Variants in JARID2 observed in about 807,000 individuals in gnomAD.
JARID2 encodes the protein protein Jumonji.
A neutral mutation model predicts 125.6 loss-of-function variants in JARID2; 21 were observed. That is an observed-to-expected ratio of 0.17 (90% CI 0.12 to 0.24). The LOEUF is 0.24. Ranked by LOEUF, JARID2 falls within the 10% of genes least tolerant of loss-of-function variation. The pLI is 1.00. For synonymous variants in JARID2, 736 were observed against 661.6 expected, an observed-to-expected ratio of 1.11 and a Z score of -1.73; for missense variants, 1,303 against 1,639.6, an observed-to-expected ratio of 0.79 and a Z score of 3.55.
At chr6:15,399,239 G>T (rs749671482) in intron 2 of JARID2, among the ~76,000 whole-genome samples, 3 of 152,158 alleles carry the variant, frequency 2.0e-5, no homozygotes, top group Non-Finnish European at 4.4e-5. Flanking sequence ...GTAGGGAATT[G>T]TATATTGAGG....
At chr6:15,512,481 T>A in intron 14 of JARID2, 91 bp downstream of exon 14, 1 of 1,158,390 alleles carries the variant, frequency 8.6e-7, no homozygotes, top group South Asian at 1.4e-5. Flanking sequence ...TGCGTGTGCG[T>A]GTCTATTTGT....
intron 2 of JARID2, among the ~76,000 whole-genome samples, chr6:15,395,126 C>T (rs1301110806): frequency 6.6e-6 from 1 of 152,142 alleles, no homozygotes; most frequent in Non-Finnish European, 1.5e-5. Flanking sequence ...CTAGAAATTA[C>T]TGGATTACAG....
chr6:15,330,784 T>C (rs1447496628), intron 1 of JARID2, among the ~76,000 whole-genome samples: 3 of 152,236 alleles, frequency 2.0e-5, no homozygotes, highest in African/African-American at 7.2e-5. Context: ...TGTTTAATAC[T>C]GGGAAAGTCA....
chr6:15,413,656 G>T (rs1045751153), intron 3 of JARID2, among the ~76,000 whole-genome samples: 2 of 152,148 alleles, frequency 1.3e-5, no homozygotes, highest in African/African-American at 4.8e-5. Flanking sequence ...ACCCAGGCTG[G>T]AATGTAGTGG....
chr6:15,258,971 G>A (rs556971096), intron 1 of JARID2, among the ~76,000 whole-genome samples: 1 of 152,336 alleles, frequency 6.6e-6, no homozygotes, highest in East Asian at 1.9e-4. Context: ...TAATAAGGGT[G>A]CTTAGCACCT....
At chr6:15,482,233 C>G (rs541512703) in intron 5 of JARID2, among the ~76,000 whole-genome samples, 2 of 152,334 alleles carry the variant, frequency 1.3e-5, no homozygotes, top group African/African-American at 4.8e-5. Flanking sequence ...TTCTTGAAAT[C>G]ATCATGTAAG....
chr6:15,259,865 A>G (rs543924961), intron 1 of JARID2, among the ~76,000 whole-genome samples: 1 of 152,298 alleles, frequency 6.6e-6, no homozygotes, highest in Admixed American at 6.5e-5. Context: ...AATAATTTTT[A>G]CTTAGATCTG....
At chr6:15,507,046 G>A (rs1459793962) in intron 9 of JARID2, 90 bp from the exon 10 acceptor site, 2 of 791,454 alleles carry the variant, frequency 2.5e-6, no homozygotes, top group African/African-American at 1.7e-5. Flanking sequence ...TGTGCACCAG[G>A]CATTCGTGTC....
intron 5 of JARID2, among the ~76,000 whole-genome samples, chr6:15,469,334 C>CTCCCT (rs1768925487): frequency 1.5e-5 from 1 of 65,472 alleles, no homozygotes; most frequent in Non-Finnish European, 3.0e-5. Context: ...CTCTCTCTCT[C>CTCCCT]TCCTGTCTCT....
intron 2 of JARID2, among the ~76,000 whole-genome samples, chr6:15,397,737 A>G (rs771633288): frequency 6.6e-6 from 1 of 152,244 alleles, no homozygotes; most frequent in Non-Finnish European, 1.5e-5. Context: ...CTGATTTGCC[A>G]TTCAACTTGT....
chr6:15,294,941 TC>T (rs1761353709), intron 1 of JARID2, among the ~76,000 whole-genome samples: 1 of 152,052 alleles, frequency 6.6e-6, no homozygotes, highest in African/African-American at 2.4e-5. Flanking sequence ...GATAACTTTT[TC>T]TTTTTTGGTG....
intron 1 of JARID2, among the ~76,000 whole-genome samples, chr6:15,318,792 T>G (rs142303670): frequency 6.6e-6 from 1 of 152,320 alleles, no homozygotes; most frequent in African/African-American, 2.4e-5. Context: ...CAGGATGTTA[T>G]AAACAGTAAG....
intron 3 of JARID2, among the ~76,000 whole-genome samples, chr6:15,432,189 G>A (rs1391292196): frequency 6.6e-6 from 1 of 152,140 alleles, no homozygotes; most frequent in East Asian, 1.9e-4. Context: ...AGCACTTTGG[G>A]AGGCTAAGGC....
At chr6:15,354,191 C>CA (rs1433626329) in intron 1 of JARID2, among the ~76,000 whole-genome samples, 4 of 151,976 alleles carry the variant, frequency 2.6e-5, no homozygotes, top group Non-Finnish European at 5.9e-5. Context: ...ACTGTCAGAG[C>CA]AAAAAATGAG....
chr6:15,443,270 A>G (rs1310879165), intron 3 of JARID2, among the ~76,000 whole-genome samples: 1 of 152,158 alleles, frequency 6.6e-6, no homozygotes, highest in East Asian at 1.9e-4. Context: ...TATATTTTTA[A>G]GTAGTTATGT....
intron 5 of JARID2, among the ~76,000 whole-genome samples, chr6:15,481,570 ATGAGCTGT>A (rs1468241984): frequency 2.0e-5 from 3 of 152,158 alleles, no homozygotes; most frequent in Non-Finnish European, 4.4e-5. Flanking sequence ...CTTAAAATTA[ATGAGCTGT>A]TGAGTACAAA....
intron 3 of JARID2, among the ~76,000 whole-genome samples, chr6:15,413,085 T>A (rs1333032446): frequency 1.2e-4 from 16 of 138,978 alleles, no homozygotes; most frequent in African/African-American, 3.7e-4. Flanking sequence ...AATGGTGCGA[T>A]CTCGGCTCAC....
chr6:15,507,115 G>C, intron 9 of JARID2, 21 bp from the exon 10 acceptor site: 1 of 1,509,896 alleles, frequency 6.6e-7, no homozygotes, highest in Non-Finnish European at 9.2e-7. Flanking sequence ...GTGCTGACCA[G>C]CCCTTTCCTG....
At chr6:15,346,371 GT>G (rs1308004462) in intron 1 of JARID2, among the ~76,000 whole-genome samples, 1 of 152,106 alleles carries the variant, frequency 6.6e-6, no homozygotes, top group Non-Finnish European at 1.5e-5. Flanking sequence ...ATTCTTAATT[GT>G]CATATATAGT....
Sources: gnomAD v4.1 joint callset for allele counts (sites outside exome capture counted in the v4.1 genomes callset) on GRCh38, gnomAD v4.1.1 for gene constraint, MANE v1.5 for transcripts, NCBI Gene and HGNC (gene_info 2026-07-23, HGNC 2026-07-21) for gene names.